The following NOVA2 variants were observed in gnomAD, a reference collection of about 807,000 sequenced individuals.
NOVA2 encodes RNA-binding protein Nova-2.
Under a neutral mutation model 22.5 loss-of-function variants are expected in NOVA2, and 9 were observed. That is an observed-to-expected ratio of 0.40 (90% confidence interval 0.24 to 0.70). NOVA2 has a LOEUF of 0.70. Ranked by LOEUF, NOVA2 falls within the 30% of genes least tolerant of loss-of-function variation. The probability of loss-of-function intolerance (pLI) is 0.38; values close to 1 mark genes in which losing one functional copy is unlikely to be tolerated. For synonymous variants in NOVA2, 318 were observed against 335.2 expected, an observed-to-expected ratio of 0.95 and a Z score of 0.56; for missense variants, 383 against 682.8, an observed-to-expected ratio of 0.56 and a Z score of 4.89.
intron 1 of NOVA2, among the ~76,000 whole-genome samples, chr19:45,972,806 A>T (rs1378092614): frequency 6.6e-6 from 1 of 152,064 alleles, no homozygotes; most frequent in Non-Finnish European, 1.5e-5. Flanking sequence ...CCAGGGCCAC[A>T]CAAGCCTCCA....
Position 45,936,832 on chromosome 19 carries a change from G to C in NOVA2, c.*3031C>G, listed in dbSNP as rs192841343. The C allele has an allele frequency of 1.4e-4, 21 of 152,274 alleles. No individual in the cohort carries two copies. Among genetic ancestry groups the C allele is most frequent in the African/African-American group, 5.1e-4 (21 of 41,538 alleles). 9.4% of individuals were successfully genotyped at this position (152,274 alleles called of 1,614,324 possible). On this transcript the variant is annotated 3_prime_UTR_variant, in exon 4 of 4. Coordinates refer to ENST00000263257, the MANE Select transcript of NOVA2 (RefSeq NM_002516.4). ...TTAAGCACCTACTGGGTGCTGAAGAGAAGGGTGCAAGGAGGCCACTCAGAG... is the reference window on the plus strand; with the variant it reads ...TTAAGCACCTACTGGGTGCTGAAGACAAGGGTGCAAGGAGGCCACTCAGAG...
At chr19:45,943,717 C>CA (rs35569023) in intron 3 of NOVA2, among the ~76,000 whole-genome samples, 4,370 of 125,146 alleles carry the variant, frequency 0.035, 157 homozygotes, top group African/African-American at 0.098. Context: ...AACCCTGACT[C>CA]AAAAAAAAAA....
At chr19:45,959,531 C>T (rs997022667) in intron 2 of NOVA2, among the ~76,000 whole-genome samples, 12 of 152,048 alleles carry the variant, frequency 7.9e-5, no homozygotes, top group Admixed American at 7.2e-4. Flanking sequence ...AGGAACATTC[C>T]GAACAGAGGT....
chr19:45,963,236 G>T (rs905870260), intron 1 of NOVA2, among the ~76,000 whole-genome samples: 1 of 151,890 alleles, frequency 6.6e-6, no homozygotes, highest in Admixed American at 6.6e-5. Context: ...AAAATTCGCC[G>T]GGTGTGGTGG....
intron 2 of NOVA2, 50 bp from the exon 3 acceptor site, chr19:45,953,996 C>T (rs762353385): frequency 1.9e-6 from 3 of 1,592,252 alleles, no homozygotes; most frequent in Admixed American, 1.7e-5. Context: ...GGAATGGGAA[C>T]ATTCCTGAGA....
chr19:45,966,995 GA>G (rs900856547), intron 1 of NOVA2, among the ~76,000 whole-genome samples: 2 of 151,904 alleles, frequency 1.3e-5, no homozygotes, highest in Non-Finnish European at 2.9e-5. Flanking sequence ...GTTCAAAAAT[GA>G]AAAAAAAGTT....
rs534650801 is a variant in NOVA2, at chr19:45,967,079, G to A, written c.86-5926C>T. Among the ~76,000 whole-genome samples, 166 of 152,158 alleles carry A rather than the reference G, an allele frequency of 1.1e-3. 1 individual carries two copies. Among genetic ancestry groups the A allele is most frequent in the African/African-American group, 3.9e-3 (160 of 41,512 alleles). ...TGTATCAGACTAGTGCAAATCTGAC[G>A]CCTGGAGCCCCCTCTTCTAGTGAGT... is the stretch of plus-strand genomic sequence containing the variant. On this transcript the variant is annotated intron_variant, in intron 1 of 3. Transcript: ENST00000263257.
intron 1 of NOVA2, 79 bp from the exon 2 acceptor site, chr19:45,961,232 C>T: frequency 1.1e-6 from 1 of 884,228 alleles, no homozygotes; most frequent in Non-Finnish European, 1.8e-6. Flanking sequence ...GAGGAAACCC[C>T]AGGGGTCACA....
intron 1 of NOVA2, among the ~76,000 whole-genome samples, chr19:45,969,173 A>G (rs765664742): frequency 1.1e-4 from 17 of 151,744 alleles, no homozygotes; most frequent in Non-Finnish European, 2.4e-4. Flanking sequence ...AAACAGAACA[A>G]AACAAAACAA....
At chr19:45,944,460 A>G (rs1198151560) in intron 3 of NOVA2, among the ~76,000 whole-genome samples, 1 of 152,144 alleles carries the variant, frequency 6.6e-6, no homozygotes, top group African/African-American at 2.4e-5. Context: ...ACAAAACAAA[A>G]AACAAAAACA....
intron 1 of NOVA2, among the ~76,000 whole-genome samples, chr19:45,964,243 G>A (rs9749176): frequency 0.31 from 43,495 of 142,446 alleles, 6,944 homozygotes; most frequent in East Asian, 0.51. Flanking sequence ...GCAATGGCGC[G>A]ATCTCGGCTC....
Position 45,973,300 on chromosome 19 carries a change from C to A in NOVA2, c.52G>T (p.Glu18Ter). ...TTGCTGCGCTTGGTGCAGACCACCT[C>A]GGGGGGCGTTTCGAGGGGCCTCTTG... ...SRKRPLETPP[E>*]VVCTKRSNTG... Residue 18 changes from glutamate to a stop codon, truncating the protein, a stop_gained, in exon 1 of 4, where the codon GAG becomes TAG. Coordinates refer to ENST00000263257, the MANE Select transcript of NOVA2 (RefSeq NM_002516.4). LOFTEE classifies it high-confidence loss of function. The A allele has an allele frequency of 7.4e-7, 1 of 1,343,880 alleles. No individual in the cohort carries two copies. Among genetic ancestry groups the A allele is most frequent in the South Asian group, 2.2e-5 (1 of 46,182 alleles). The allele number at this position is 1,343,880 out of a possible 1,614,324, so 83.2% of individuals were successfully genotyped here. A position where few individuals can be genotyped will look rare whatever the true frequency, so the allele number is the denominator to read the frequency against.
In NOVA2 at chr19:45,940,464, G is replaced by A; in HGVS notation, c.878C>T (p.Thr293Ile). The change falls in exon 4 of 4, where the codon ACC becomes ATC. Residue 293 changes from threonine (T) to isoleucine (I), a missense_variant. Around this residue, in one of 2 missense-constraint regions of NOVA2, gnomAD observed 349 missense variants for 578.1 expected, o/e 0.60. Transcript: ENST00000263257. The part of the protein sequence containing the change: ...LNTLASYGYN[T>I]NSLGLGLNSA... ...GTTGAGGCCCAGGCCCAGGGAGTTG[G>A]TGTTGTAGCCGTAACTTGCCAGCGT... 6.5e-7 allele frequency: 1 copy of A among 1,535,556 alleles called. No individual in the cohort carries two copies. The highest frequency in any genetic ancestry group is 8.8e-7 in the Non-Finnish European group (1 of 1,141,752).
intron 1 of NOVA2, among the ~76,000 whole-genome samples, chr19:45,963,910 A>G (rs1051023926): frequency 1.3e-5 from 2 of 152,162 alleles, no homozygotes; most frequent in East Asian, 1.9e-4. Flanking sequence ...AACCCCAAAG[A>G]TAGGATGAAT....
At chr19:45,952,520 T>G (rs536481333) in intron 3 of NOVA2, among the ~76,000 whole-genome samples, 26 of 152,194 alleles carry the variant, frequency 1.7e-4, no homozygotes, top group Admixed American at 1.2e-3. Context: ...CTCCTGTGGA[T>G]TAGGGGGAGG....
intron 1 of NOVA2, among the ~76,000 whole-genome samples, chr19:45,971,693 T>C (rs915972852): frequency 3.1e-4 from 47 of 152,188 alleles, no homozygotes; most frequent in African/African-American, 1.1e-3. Context: ...GGGTGCACTC[T>C]GCCTGAAGCC....
chr19:45,940,608 G>A lies in NOVA2; in HGVS notation c.734C>T (p.Ser245Leu), dbSNP rs746599706. 7.0e-7 allele frequency: 1 copy of A among 1,424,658 alleles called. No individual in the cohort carries two copies. Among genetic ancestry groups the A allele is most frequent in the Non-Finnish European group, 9.1e-7 (1 of 1,102,246 alleles). 88.3% of individuals were successfully genotyped at this position (1,424,658 alleles called of 1,614,324 possible). The change falls in exon 4 of 4, where the codon TCG becomes TTG. Residue 245 changes from serine to leucine, a missense_variant. This residue lies in a region of NOVA2 where 349 missense variants were observed against 578.1 expected (regional missense o/e 0.60). Transcript: ENST00000263257. Reference protein sequence around the residue: ...ADVLPAAAAASAAAASGLLGP... With the variant: ...ADVLPAAAAALAAAASGLLGP... Reference sequence around the variant, plus strand: ...CAGCAGGCCGGAGGCGGCGGCGGCCGACGCTGCGGCCGCGGCTGGCAGCAC... The same window carrying A: ...CAGCAGGCCGGAGGCGGCGGCGGCCAACGCTGCGGCCGCGGCTGGCAGCAC...
chr19:45,944,053 A>T (rs1051728312), intron 3 of NOVA2, among the ~76,000 whole-genome samples: 1 of 152,210 alleles, frequency 6.6e-6, no homozygotes, highest in African/African-American at 2.4e-5. Flanking sequence ...ATCACTTTAC[A>T]TATGTAGTTG....
intron 1 of NOVA2, among the ~76,000 whole-genome samples, chr19:45,972,145 T>G (rs1312974122): frequency 6.6e-6 from 1 of 151,884 alleles, no homozygotes; most frequent in Non-Finnish European, 1.5e-5. Context: ...TATGCACACG[T>G]GCCCTGTCAC....
Sources: allele counts gnomAD v4.1 joint callset (sites outside exome capture counted in the v4.1 genomes callset), GRCh38; gene constraint gnomAD v4.1.1; regional missense constraint gnomAD v4.1.1; transcripts MANE v1.5; gene names NCBI Gene and HGNC (gene_info 2026-07-23, HGNC 2026-07-21).